SH3KBP1: variants seen among roughly 807,000 people sequenced by gnomAD.
The protein encoded by SH3KBP1 is SH3 domain-containing kinase-binding protein 1.
In SH3KBP1, 8 loss-of-function variants were observed where a neutral mutation model predicts 50.1. That is an observed-to-expected ratio of 0.16 (90% CI 0.09 to 0.29). The LOEUF (loss-of-function observed/expected upper bound fraction) is 0.29. Ranked by LOEUF, SH3KBP1 falls within the 10% of genes least tolerant of loss-of-function variation. The pLI, the probability that SH3KBP1 is intolerant of heterozygous loss-of-function variation, is 1.00. For missense variants in SH3KBP1, 377 were observed against 535.2 expected (o/e 0.70, Z 2.92); for synonymous variants, 227 against 218.6 (o/e 1.04, Z -0.34).
chrX:19,631,994 C>T, intron 7 of SH3KBP1, 36 bp from the exon 8 acceptor site: 1 of 929,573 alleles, frequency 1.1e-6, no homozygotes, highest in Non-Finnish European at 1.5e-6. Flanking sequence ...CTTTAAAATG[C>T]TTTATCTAAT....
At chrX:19,787,973 C>T (rs1244082015) in intron 2 of SH3KBP1, among the ~76,000 whole-genome samples, 1 of 111,248 alleles carries the variant, frequency 9.0e-6, no homozygotes, top group Non-Finnish European at 1.9e-5. Context: ...ATTGTATCTC[C>T]CCAAAAGATA....
intron 12 of SH3KBP1, among the ~76,000 whole-genome samples, chrX:19,584,949 C>T (rs2066516036): frequency 8.9e-6 from 1 of 111,947 alleles, no homozygotes; most frequent in Non-Finnish European, 1.9e-5. Context: ...TCTGGGTTCA[C>T]ACAGAACACA....
chrX:19,550,008 G>A lies in SH3KBP1; in HGVS notation c.1460C>T (p.Thr487Ile), dbSNP rs760002391. The A allele has an allele frequency of 8.3e-7, 1 of 1,209,877 alleles. No individual in the cohort carries two copies. The highest frequency in any genetic ancestry group is 3.0e-5 in the East Asian group (1 of 33,845). ...GGACTGGGACGGAGGCCGCCTCCCT[G>A]TAGCTTTTGGTCTGCTTGTGGTCGG... ...SHPTTSRPKA[T>I]GRRPPSQSLT... The change falls in exon 14 of 18, where the codon ACA becomes ATA. Residue 487 changes from threonine to isoleucine, a missense_variant. Physicochemically the swap from Thr to Ile is moderately conservative, Grantham distance 89. Around this residue, in one of 3 missense-constraint regions of SH3KBP1, gnomAD observed 10 missense variants for 36.9 expected, o/e 0.27. Coordinates refer to ENST00000397821, the MANE Select transcript of SH3KBP1 (RefSeq NM_031892.3).
chrX:19,649,670 G>A (rs755998029), intron 6 of SH3KBP1, among the ~76,000 whole-genome samples: 1 of 111,849 alleles, frequency 8.9e-6, no homozygotes, highest in East Asian at 2.8e-4. Flanking sequence ...AAACGTTTCA[G>A]GATTTTCGTG....
chrX:19,587,162 C>T lies in SH3KBP1; in HGVS notation c.1298+1481G>A, dbSNP rs184302274. ...CCTTGAACCCAGGAGGAGGAGGTTG[C>T]GGTGAGCCGAGATTGCGCCATTGCA... is the stretch of plus-strand genomic sequence containing the variant. On this transcript the variant is annotated intron_variant, in intron 12 of 17. Coordinates refer to ENST00000397821, the MANE Select transcript of SH3KBP1 (RefSeq NM_031892.3). Among the ~76,000 whole-genome samples, 378 of 101,243 alleles carry T rather than the reference C, an allele frequency of 3.7e-3. 3 individuals carry two copies. The highest frequency in any genetic ancestry group is 0.014 in the African/African-American group (366 of 27,015). 87.9% of individuals were successfully genotyped at this position (101,243 alleles called of 115,157 possible). A position where few individuals can be genotyped will look rare whatever the true frequency, so the allele number is the denominator to read the frequency against.
rs753897655 is a variant in SH3KBP1, at chrX:19,706,364, C to T, written c.390+517G>A. Among the ~76,000 whole-genome samples the T allele has an allele frequency of 1.6e-3, 173 of 110,800 alleles. 1 individual carries two copies. The highest frequency in any genetic ancestry group is 0.014 in the Middle Eastern group (3 of 214). On this transcript the variant is annotated intron_variant, in intron 4 of 17. Coordinates refer to ENST00000397821, the MANE Select transcript of SH3KBP1 (RefSeq NM_031892.3). Reference sequence around the variant, plus strand: ...GGACCAGGCTTGGCCATCAGCCCTGCGTCTTCTAGGGTCTCTTGATCCTCC... The same window carrying T: ...GGACCAGGCTTGGCCATCAGCCCTGTGTCTTCTAGGGTCTCTTGATCCTCC...
In SH3KBP1 at chrX:19,863,031, T is replaced by G. The variant is rs146963648; in HGVS notation, c.4+24276A>C. The stretch of plus-strand genomic sequence containing the variant: ...CCTTCAGAGAAGAGGCCCAGGACTG[T>G]CAGGGGCCATTGTCAACCACTAAAG... On this transcript the variant is annotated intron_variant, in intron 1 of 17. Transcript: ENST00000397821. 4.4e-4 allele frequency among the ~76,000 whole-genome samples: 49 copies of G among 112,044 alleles called. 1 individual carries two copies. The East Asian group carries it at 0.013, about 30-fold the overall frequency.
At chrX:19,829,124 C>T (rs1047225877) in intron 2 of SH3KBP1, among the ~76,000 whole-genome samples, 3 of 112,072 alleles carry the variant, frequency 2.7e-5, no homozygotes, top group Non-Finnish European at 3.8e-5. Context: ...AGACAACATA[C>T]AAGAATGTTC....
chrX:19,632,475 T>C (rs1177872572), intron 7 of SH3KBP1, among the ~76,000 whole-genome samples: 1 of 112,804 alleles, frequency 8.9e-6, no homozygotes, highest in Non-Finnish European at 1.9e-5. Flanking sequence ...GTCAATGTAT[T>C]TCTATGTAAG....
intron 3 of SH3KBP1, among the ~76,000 whole-genome samples, chrX:19,716,038 T>C (rs917891063): frequency 2.1e-4 from 23 of 112,097 alleles, no homozygotes; most frequent in Admixed American, 2.0e-3. Flanking sequence ...ATGTTTTCTA[T>C]CTCAGGATGG....
In SH3KBP1 at chrX:19,615,890, G is replaced by A. The variant is rs770819403; in HGVS notation, c.898-7845C>T. Among the ~76,000 whole-genome samples the A allele has an allele frequency of 5.3e-4, 58 of 109,639 alleles. No individual in the cohort carries two copies. The East Asian group carries it at 0.016, about 30-fold the overall frequency. ...TACATTCCAAATGCCAACATCACAG[G>A]ATAACTAAGGCTTAGGCAGTCATTC... On this transcript the variant is annotated intron_variant, in intron 8 of 17. Transcript: ENST00000397821.
At chrX:19,753,663 AG>A (rs1464837596) in intron 2 of SH3KBP1, among the ~76,000 whole-genome samples, 1 of 111,878 alleles carries the variant, frequency 8.9e-6, no homozygotes, top group Non-Finnish European at 1.9e-5. Context: ...CAGACTACCA[AG>A]GGGAGCTTCA....
At chrX:19,587,594 G>A (rs1249463881) in intron 12 of SH3KBP1, among the ~76,000 whole-genome samples, 1 of 112,028 alleles carries the variant, frequency 8.9e-6, no homozygotes. Flanking sequence ...AAATAACAAT[G>A]AAAATAATGT....
rs1361772997 is a variant in SH3KBP1 at position 19,799,483 on chromosome X, G to C, written c.162+36642C>G. Reference sequence around the variant, plus strand: ...CCAGAAAACTGAGACCTGGGGCCAAGTGGAAAACAGTGTTGGTCACCATCT... The same window carrying C: ...CCAGAAAACTGAGACCTGGGGCCAACTGGAAAACAGTGTTGGTCACCATCT... On this transcript the variant is annotated intron_variant, in intron 2 of 17. Coordinates refer to ENST00000397821, the MANE Select transcript of SH3KBP1 (RefSeq NM_031892.3). The C allele has an allele frequency of 1.5e-5, 8 of 550,406 alleles. No homozygotes were observed. The East Asian group carries it at 2.8e-4, about 19-fold the overall frequency. The allele number at this position is 550,406 out of a possible 1,213,427, so 45.4% of individuals were successfully genotyped here.
At chrX:19,744,645 C>G (rs771541532) in intron 3 of SH3KBP1, among the ~76,000 whole-genome samples, 157 of 112,178 alleles carry the variant, frequency 1.4e-3, no homozygotes, top group Admixed American at 2.4e-3. Flanking sequence ...TTGGCCATAA[C>G]CAGGCTGCAG....
chrX:19,753,505 C>T (rs1294882624), intron 2 of SH3KBP1, among the ~76,000 whole-genome samples: 3 of 110,441 alleles, frequency 2.7e-5, no homozygotes, highest in African/African-American at 6.6e-5. Context: ...CCCCACCCCA[C>T]GCAAAAGGCA....
chrX:19,640,894 G>T (rs1179374032), intron 7 of SH3KBP1, among the ~76,000 whole-genome samples: 1 of 111,368 alleles, frequency 9.0e-6, no homozygotes, highest in Non-Finnish European at 1.9e-5. Context: ...CAACCAATCA[G>T]ACTGACTGTG....
intron 2 of SH3KBP1, among the ~76,000 whole-genome samples, chrX:19,794,974 C>CAAAGTCCCTGATTCAGG (rs943295549): frequency 9.0e-6 from 1 of 111,649 alleles, no homozygotes; most frequent in African/African-American, 3.3e-5. Flanking sequence ...ATTATTATCC[C>CAAAGTCCCTGATTCAGG]AAAGTCCCTG....
chrX:19,760,041 C>CCTCTCTCTCTCCCTCT (rs2065351368), intron 2 of SH3KBP1, among the ~76,000 whole-genome samples: 8 of 50,453 alleles, frequency 1.6e-4, no homozygotes, highest in Admixed American at 1.4e-3. Flanking sequence ...TCTCTCTCTC[C>CCTCTCTCTCTCCCTCT]CTCTCTCTCT....
Sources: gnomAD v4.1 joint callset for allele counts (sites outside exome capture counted in the v4.1 genomes callset) on GRCh38, gnomAD v4.1.1 for gene constraint, gnomAD v4.1.1 regional missense constraint, MANE v1.5 for transcripts, NCBI Gene and HGNC (gene_info 2026-07-23, HGNC 2026-07-21) for gene names.